The following CCSER1 variants were observed in gnomAD, a reference collection of about 807,000 sequenced individuals.
The protein encoded by CCSER1 is serine-rich coiled-coil domain-containing protein 1.
CCSER1 carries 41 observed loss-of-function variants against 82.0 expected under a neutral mutation model. The ratio of observed to expected loss-of-function variants is 0.50; its 90% confidence interval spans 0.39 to 0.65. CCSER1 has a LOEUF of 0.65. Among genes scored for constraint, CCSER1 ranks in the 30% least tolerant of loss-of-function variants. The pLI, the probability that CCSER1 is intolerant of heterozygous loss-of-function variation, is 0.00. For missense variants in CCSER1, 1,119 were observed against 1,064.2 expected (o/e 1.05, Z -0.72); for synonymous variants, 414 against 383.9 (o/e 1.08, Z -0.92).
intron 1 of CCSER1, among the ~76,000 whole-genome samples, chr4:90,258,372 C>T (rs546174297): frequency 1.4e-3 from 216 of 152,104 alleles, no homozygotes; most frequent in African/African-American, 4.5e-3. Context: ...ATTAGCTGGG[C>T]GTGGTGGTGC....
intron 7 of CCSER1, among the ~76,000 whole-genome samples, chr4:90,785,726 ATT>A (rs74788684): frequency 1.3e-5 from 2 of 151,440 alleles, no homozygotes; most frequent in African/African-American, 2.4e-5. Flanking sequence ...TAAGTTGTCA[ATT>A]TTTTTTTACA....
chr4:90,263,081 C>A (rs1724623030), intron 1 of CCSER1, among the ~76,000 whole-genome samples: 1 of 152,194 alleles, frequency 6.6e-6, no homozygotes, highest in African/African-American at 2.4e-5. Context: ...GAGGTGCAGA[C>A]TTTCTCCACT....
chr4:90,795,499 C>T (rs1755873505), intron 7 of CCSER1, among the ~76,000 whole-genome samples: 1 of 152,090 alleles, frequency 6.6e-6, no homozygotes, highest in Admixed American at 6.5e-5. Flanking sequence ...TTTCTCTTGC[C>T]TGATTATCCT....
intron 3 of CCSER1, among the ~76,000 whole-genome samples, chr4:90,326,652 A>G (rs1561034500): frequency 6.6e-6 from 1 of 152,198 alleles, no homozygotes; most frequent in Non-Finnish European, 1.5e-5. Flanking sequence ...TGATTAATTT[A>G]TGTGTCAGTG....
chr4:90,618,335 T>C (rs867170017), intron 5 of CCSER1, among the ~76,000 whole-genome samples: 5 of 152,132 alleles, frequency 3.3e-5, no homozygotes, highest in African/African-American at 9.6e-5. Flanking sequence ...TTTTCTAGAC[T>C]ATAATTTTTT....
At chr4:91,322,635 AAATT>A (rs1746274331) in intron 10 of CCSER1, among the ~76,000 whole-genome samples, 2 of 76,436 alleles carry the variant, frequency 2.6e-5, no homozygotes, top group Non-Finnish European at 2.8e-5. Context: ...TATATTAATT[AAATT>A]AAGGGGAAAC....
intron 1 of CCSER1, among the ~76,000 whole-genome samples, chr4:90,282,948 A>G (rs966854322): frequency 6.6e-6 from 1 of 152,006 alleles, no homozygotes; most frequent in Non-Finnish European, 1.5e-5. Context: ...GATCAAAGTC[A>G]CATCAAAGCA....
chr4:91,520,356 C>T (rs950010466), intron 10 of CCSER1, among the ~76,000 whole-genome samples: 1 of 148,444 alleles, frequency 6.7e-6, no homozygotes, highest in Non-Finnish European at 1.5e-5. Flanking sequence ...CGTGTAGGCT[C>T]GCCTCCCTGA....
At chr4:91,143,113 A>G (rs1219016501) in intron 10 of CCSER1, among the ~76,000 whole-genome samples, 2 of 152,104 alleles carry the variant, frequency 1.3e-5, no homozygotes, top group Non-Finnish European at 2.9e-5. Context: ...ATCCATGAAC[A>G]TGGAGTATTT....
At chr4:90,253,997 A>AT (rs1369944280) in intron 1 of CCSER1, among the ~76,000 whole-genome samples, 2 of 152,132 alleles carry the variant, frequency 1.3e-5, no homozygotes, top group African/African-American at 4.8e-5. Context: ...TTGCAGAGGT[A>AT]TTTTTTGAAA....
At chr4:90,791,674 C>A (rs1161357716) in intron 7 of CCSER1, among the ~76,000 whole-genome samples, 1 of 151,902 alleles carries the variant, frequency 6.6e-6, no homozygotes. Flanking sequence ...CACAGTGAAA[C>A]CCCATCTCTA....
At chr4:91,259,267 A>T (rs2149162577) in intron 10 of CCSER1, among the ~76,000 whole-genome samples, 1 of 152,278 alleles carries the variant, frequency 6.6e-6, no homozygotes, top group South Asian at 2.1e-4. Flanking sequence ...TATAAACCAA[A>T]ACATTAGTTT....
intron 9 of CCSER1, among the ~76,000 whole-genome samples, chr4:91,079,741 A>G (rs1213460567): frequency 6.6e-6 from 1 of 152,326 alleles, no homozygotes; most frequent in Non-Finnish European, 1.5e-5. Context: ...AAGCAAATGG[A>G]GAACAAAACA....
At chr4:91,380,234 G>A (rs1464823804) in intron 10 of CCSER1, among the ~76,000 whole-genome samples, 1 of 152,152 alleles carries the variant, frequency 6.6e-6, no homozygotes, top group Non-Finnish European at 1.5e-5. Flanking sequence ...TTGATTTGGG[G>A]TGGAGAGTTC....
intron 10 of CCSER1, among the ~76,000 whole-genome samples, chr4:91,188,549 A>G (rs1199129917): frequency 1.3e-5 from 2 of 152,310 alleles, no homozygotes; most frequent in South Asian, 4.1e-4. Context: ...GTAAATTGTT[A>G]TTATTGTGCT....
intron 1 of CCSER1, among the ~76,000 whole-genome samples, chr4:90,268,808 T>C (rs937869130): frequency 1.3e-5 from 2 of 151,828 alleles, no homozygotes; most frequent in African/African-American, 2.4e-5. Context: ...AGAAATGTAC[T>C]TCACCTATAA....
At chr4:90,600,974 ATT>A (rs34374173) in intron 5 of CCSER1, among the ~76,000 whole-genome samples, 2 of 151,430 alleles carry the variant, frequency 1.3e-5, no homozygotes, top group African/African-American at 2.4e-5. Context: ...TTTCAAATCT[ATT>A]TTTTTCATTG....
intron 1 of CCSER1, among the ~76,000 whole-genome samples, chr4:90,128,578 G>A (rs191376599): frequency 5.9e-5 from 9 of 152,178 alleles, no homozygotes; most frequent in Admixed American, 4.6e-4. Flanking sequence ...AAAGTCAGCC[G>A]TAAGCTGAAA....
chr4:91,139,264 AT>A lies in CCSER1; in HGVS notation c.2217+53280del, dbSNP rs371116774. Among the ~76,000 whole-genome samples, 1,228 of 148,798 alleles carry A rather than the reference AT, an allele frequency of 8.3e-3. 18 individuals are homozygous for A. Among genetic ancestry groups the A allele is most frequent in the African/African-American group, 0.028 (1,123 of 40,732 alleles). The stretch of plus-strand genomic sequence containing the variant: ...GTATTCCAAGGTGTATATGTACCAC[AT>A]TTTTTTTTTATCCAGTCTCCAGTCC... On this transcript the variant is annotated intron_variant, in intron 10 of 10. Transcript: ENST00000509176.
Sources: gnomAD v4.1 joint callset for allele counts (sites outside exome capture counted in the v4.1 genomes callset) on GRCh38, gnomAD v4.1.1 for gene constraint, MANE v1.5 for transcripts, NCBI Gene and HGNC (gene_info 2026-07-23, HGNC 2026-07-21) for gene names.